Variants in FBXW7 observed in about 807,000 individuals in gnomAD.
FBXW7 encodes the protein F-box/WD repeat-containing protein 7.
A neutral mutation model predicts 86.3 loss-of-function variants in FBXW7; 11 were observed. That is an observed-to-expected ratio of 0.13 (90% CI 0.08 to 0.21). The LOEUF is 0.21. FBXW7 is among the 10% of genes least tolerant of loss of function. The pLI is 1.00. For missense variants in FBXW7, 488 were observed against 847.4 expected (o/e 0.58, Z 5.27); for synonymous variants, 313 against 297.9 (o/e 1.05, Z -0.52).
chr4:152,406,944 CA>C (rs1360694312), intron 4 of FBXW7, among the ~76,000 whole-genome samples: 1 of 152,182 alleles, frequency 6.6e-6, no homozygotes, highest in East Asian at 1.9e-4. Flanking sequence ...GGGTAAGGCA[CA>C]GGAGACGGAA....
chr4:152,516,459 C>T (rs1748506049), intron 2 of FBXW7, among the ~76,000 whole-genome samples: 1 of 152,202 alleles, frequency 6.6e-6, no homozygotes, highest in South Asian at 2.1e-4. Context: ...CTCTCCTTCC[C>T]CGCATCCACG....
chr4:152,510,197 GAAT>G (rs749611807), intron 2 of FBXW7, among the ~76,000 whole-genome samples: 2 of 152,170 alleles, frequency 1.3e-5, no homozygotes, highest in Non-Finnish European at 2.9e-5. Context: ...AGAAGAGTTA[GAAT>G]AATAAATGAC....
At chr4:152,527,756 G>T (rs892737865) in intron 2 of FBXW7, among the ~76,000 whole-genome samples, 1 of 151,866 alleles carries the variant, frequency 6.6e-6, no homozygotes, top group African/African-American at 2.4e-5. Context: ...CTCCAGCCTG[G>T]TGACAACAAG....
rs2126461898 is a variant in FBXW7, at chr4:152,322,998, C to T, written c.2007G>A (p.Gly669=). The T allele has an allele frequency of 6.2e-7, 1 of 1,613,820 alleles. No individual in the cohort carries two copies. Among genetic ancestry groups the T allele is most frequent in the South Asian group, 1.1e-5 (1 of 91,070 alleles). The change falls in exon 14 of 14, where the codon GGG becomes GGA. Residue 669 remains glycine, a synonymous_variant. Transcript: ENST00000281708. ...NLVTLESGGS[G]GVVWRIRASN... ...AGGCTCTGATCCGCCACACAACTCC[C>T]CCACTCCCCCCACTCTCCAATGTGA...
At chr4:152,388,984 T>C (rs1735772924) in intron 4 of FBXW7, among the ~76,000 whole-genome samples, 1 of 151,918 alleles carries the variant, frequency 6.6e-6, no homozygotes. Context: ...CATGAATAAA[T>C]ACTTCTCAAA....
intron 4 of FBXW7, among the ~76,000 whole-genome samples, chr4:152,386,160 A>G (rs1735511023): frequency 6.6e-6 from 1 of 152,014 alleles, no homozygotes; most frequent in African/African-American, 2.4e-5. Flanking sequence ...CATTAAAGAT[A>G]CTCTTTAATT....
chr4:152,321,550 TTTCA>T lies in FBXW7; in HGVS notation c.*1327_*1330del, dbSNP rs1270288101. On this transcript the variant is annotated 3_prime_UTR_variant, in exon 14 of 14. Transcript: ENST00000281708. ...GAGAATGAGGCAAACCATTTGACTG[TTTCA>T]TTCATTTTGTTTGTTTGCATGTGAC... 1.3e-5 allele frequency: 3 copies of T among 233,068 alleles called. No homozygotes were observed. The highest frequency in any genetic ancestry group is 1.7e-5 in the Non-Finnish European group (2 of 117,740). 14.4% of individuals were successfully genotyped at this position (233,068 alleles called of 1,614,324 possible). A position where few individuals can be genotyped will look rare whatever the true frequency, so the allele number is the denominator to read the frequency against.
intron 2 of FBXW7, among the ~76,000 whole-genome samples, chr4:152,449,725 T>C (rs1741736244): frequency 6.6e-6 from 1 of 152,234 alleles, no homozygotes; most frequent in South Asian, 2.1e-4. Context: ...ATATTAAGTA[T>C]GCTAGCTATA....
At chr4:152,397,486 C>T (rs1405143658) in intron 4 of FBXW7, among the ~76,000 whole-genome samples, 1 of 151,778 alleles carries the variant, frequency 6.6e-6, no homozygotes, top group Non-Finnish European at 1.5e-5. Flanking sequence ...ACTATCACTG[C>T]AGCCTCAAAC....
chr4:152,512,450 T>C (rs959644929), intron 2 of FBXW7, among the ~76,000 whole-genome samples: 3 of 152,200 alleles, frequency 2.0e-5, no homozygotes, highest in Non-Finnish European at 4.4e-5. Context: ...AAGAAATTAA[T>C]GTTCTTGAAG....
chr4:152,331,972 A>G (rs957153632), intron 8 of FBXW7, among the ~76,000 whole-genome samples: 4 of 152,050 alleles, frequency 2.6e-5, no homozygotes, highest in Non-Finnish European at 5.9e-5. Flanking sequence ...AACTACCATG[A>G]AGGGAATAAT....
intron 2 of FBXW7, among the ~76,000 whole-genome samples, chr4:152,526,608 T>C (rs1749536329): frequency 2.0e-5 from 3 of 152,220 alleles, no homozygotes; most frequent in Admixed American, 2.0e-4. Flanking sequence ...ATGACACAGA[T>C]AAAATTTCCG....
At chr4:152,402,466 C>T (rs1387841944) in intron 4 of FBXW7, among the ~76,000 whole-genome samples, 2 of 151,980 alleles carry the variant, frequency 1.3e-5, no homozygotes, top group Non-Finnish European at 2.9e-5. Flanking sequence ...AATGTTAGGG[C>T]GGTAGCTTTA....
At chr4:152,532,977 A>T (rs1420197034) in intron 2 of FBXW7, among the ~76,000 whole-genome samples, 1 of 152,202 alleles carries the variant, frequency 6.6e-6, no homozygotes, top group African/African-American at 2.4e-5. Context: ...ATTTGAGGTC[A>T]GGAGTTCTAG....
chr4:152,394,681 AC>A (rs1736270374), intron 4 of FBXW7, among the ~76,000 whole-genome samples: 1 of 152,046 alleles, frequency 6.6e-6, no homozygotes, highest in Admixed American at 6.6e-5. Flanking sequence ...ACAATAATTA[AC>A]CTTATAATAT....
At chr4:152,371,137 A>G (rs1560817186) in intron 4 of FBXW7, among the ~76,000 whole-genome samples, 2 of 152,048 alleles carry the variant, frequency 1.3e-5, no homozygotes, top group Non-Finnish European at 1.5e-5. Context: ...AGTAAAATTA[A>G]TATCATCTTT....
At chr4:152,365,085 G>A (rs1733346717) in intron 4 of FBXW7, among the ~76,000 whole-genome samples, 1 of 152,116 alleles carries the variant, frequency 6.6e-6, no homozygotes, top group African/African-American at 2.4e-5. Flanking sequence ...GTTAAGAATG[G>A]TGAGGTTTCC....
chr4:152,486,034 G>A (rs1372789378), intron 2 of FBXW7, among the ~76,000 whole-genome samples: 1 of 152,098 alleles, frequency 6.6e-6, no homozygotes, highest in Non-Finnish European at 1.5e-5. Context: ...CCATATTACT[G>A]TACTGAATAC....
intron 2 of FBXW7, among the ~76,000 whole-genome samples, chr4:152,528,794 A>T (rs1749756447): frequency 6.6e-6 from 1 of 152,254 alleles, no homozygotes; most frequent in Non-Finnish European, 1.5e-5. Context: ...GCAAAAACAT[A>T]AAAGTACATT....
Sources: allele counts gnomAD v4.1 joint callset (sites outside exome capture counted in the v4.1 genomes callset), GRCh38; gene constraint gnomAD v4.1.1; transcripts MANE v1.5; gene names NCBI Gene and HGNC (gene_info 2026-07-23, HGNC 2026-07-21).